Variants in ATE1 observed in about 807,000 individuals in gnomAD.
ATE1 encodes arginyltransferase 1.
ATE1 carries 36 observed loss-of-function variants against 70.5 expected under a neutral mutation model. The ratio of observed to expected loss-of-function variants is 0.51; its 90% confidence interval spans 0.39 to 0.67. The LOEUF is 0.67. Among genes scored for constraint, ATE1 ranks in the 30% least tolerant of loss-of-function variants. The pLI is 0.00. For synonymous variants in ATE1, 232 were observed against 219.3 expected (o/e 1.06, Z -0.51); for missense variants, 593 against 629.5 (o/e 0.94, Z 0.62).
At chr10:121,908,610 A>C (rs1286240278) in intron 5 of ATE1, among the ~76,000 whole-genome samples, 1 of 152,232 alleles carries the variant, frequency 6.6e-6, no homozygotes, top group Non-Finnish European at 1.5e-5. Flanking sequence ...AAACGAAGAA[A>C]TGATAGAGTA....
chr10:121,893,255 TGACAGAGTGAGAC>T (rs1223060535), intron 7 of ATE1, among the ~76,000 whole-genome samples: 4 of 141,058 alleles, frequency 2.8e-5, no homozygotes, highest in African/African-American at 1.1e-4. Context: ...CTAGCCTGGG[TGACAGAGTGAGAC>T]TTAGTCTCAA....
chr10:121,802,060 CTG>C (rs1376592081), intron 10 of ATE1, among the ~76,000 whole-genome samples: 1 of 152,076 alleles, frequency 6.6e-6, no homozygotes, highest in Non-Finnish European at 1.5e-5. Flanking sequence ...CCAATAGAAT[CTG>C]TGTTTGTAAA....
At chr10:121,890,079 T>A (rs1217586998) in intron 7 of ATE1, among the ~76,000 whole-genome samples, 1 of 152,190 alleles carries the variant, frequency 6.6e-6, no homozygotes, top group African/African-American at 2.4e-5. Flanking sequence ...GTCTGGGTGT[T>A]CATTACATTC....
At chr10:121,814,807 C>T (rs760353092) in intron 10 of ATE1, among the ~76,000 whole-genome samples, 4 of 152,062 alleles carry the variant, frequency 2.6e-5, no homozygotes, top group Non-Finnish European at 4.4e-5. Context: ...TATATATGCA[C>T]GTAAACTTGG....
intron 4 of ATE1, among the ~76,000 whole-genome samples, chr10:121,911,442 TA>T (rs371014661): frequency 0.15 from 18,796 of 128,248 alleles, 1,255 homozygotes; most frequent in East Asian, 0.2. Context: ...TACAGTAAAT[TA>T]AAAAAAAAAA....
intron 11 of ATE1, among the ~76,000 whole-genome samples, chr10:121,746,645 A>G (rs1376473488): frequency 6.6e-6 from 1 of 152,140 alleles, no homozygotes; most frequent in Non-Finnish European, 1.5e-5. Context: ...TCAACTTTTC[A>G]CAGTACATTC....
chr10:121,740,804 G>A lies in ATE1; in HGVS notation c.*2876C>T, dbSNP rs1024350093. On this transcript the variant is annotated 3_prime_UTR_variant, in exon 12 of 12. Transcript: ENST00000224652. Reference sequence around the variant, plus strand: ...CACAACAAATATTTGCAAAATGAATGAAAAATAGGATAAAGCTATTTAAAA... The same window carrying A: ...CACAACAAATATTTGCAAAATGAATAAAAAATAGGATAAAGCTATTTAAAA... 2.0e-5 allele frequency: 3 copies of A among 152,004 alleles called. No homozygotes were observed. The highest frequency in any genetic ancestry group is 7.2e-5 in the African/African-American group (3 of 41,384). 9.4% of individuals were successfully genotyped at this position (152,004 alleles called of 1,614,324 possible).
rs1366958302 is a variant in ATE1, at chr10:121,816,165, T to C, written c.1257+20553A>G. On this transcript the variant is annotated intron_variant, in intron 10 of 11. Coordinates refer to ENST00000224652, the MANE Select transcript of ATE1 (RefSeq NM_001001976.3). ...GTGTTTAGACTGTAAGTTTATATTA[T>C]ACAATTATACAAAATTTATTATCAT... Among the ~76,000 whole-genome samples the C allele has an allele frequency of 3.3e-5, 5 of 152,334 alleles. No individual in the cohort carries two copies. In the South Asian group the frequency reaches 6.2e-4, roughly 19 times the overall value.
chr10:121,892,647 A>G (rs73364463), intron 7 of ATE1, among the ~76,000 whole-genome samples: 16,799 of 151,792 alleles, frequency 0.11, 2,943 homozygotes, highest in African/African-American at 0.37. Context: ...GCTGGATTAC[A>G]GGTGCCCTCC....
chr10:121,833,174 T>C (rs1245924446), intron 10 of ATE1, among the ~76,000 whole-genome samples: 2 of 152,184 alleles, frequency 1.3e-5, no homozygotes, highest in East Asian at 1.9e-4. Context: ...TATCAGAGTA[T>C]TTATCAATAC....
Position 121,917,424 on chromosome 10 carries a change from A to G in ATE1, c.234-3531T>C, listed in dbSNP as rs74956320. Among the ~76,000 whole-genome samples, 23 of 152,348 alleles carry G rather than the reference A, an allele frequency of 1.5e-4. No individual in the cohort carries two copies. The East Asian group carries it at 4.4e-3, about 29-fold the overall frequency. On this transcript the variant is annotated intron_variant, in intron 3 of 11. Coordinates refer to ENST00000224652, the MANE Select transcript of ATE1 (RefSeq NM_001001976.3). ...AAGGAAAGCAAAAACTTGTGCAGGA[A>G]AAGTAATCACAGTACCCGCCATGGT...
In ATE1 at chr10:121,850,813, C is replaced by T. The variant is rs549290555; in HGVS notation, c.976-9550G>A. On this transcript the variant is annotated intron_variant, in intron 8 of 11. Coordinates refer to ENST00000224652, the MANE Select transcript of ATE1 (RefSeq NM_001001976.3). The stretch of plus-strand genomic sequence containing the variant: ...TTAACCTCTTTCAAGAGTTTCAGGC[C>T]GGGTGCAGTGGCTCACGCCTGTAAT... 3.3e-5 allele frequency among the ~76,000 whole-genome samples: 5 copies of T among 152,162 alleles called. No homozygotes were observed. The South Asian group carries it at 8.3e-4, about 25-fold the overall frequency.
At chr10:121,775,425 A>G (rs570813373) in intron 11 of ATE1, among the ~76,000 whole-genome samples, 82 of 152,234 alleles carry the variant, frequency 5.4e-4, no homozygotes, top group African/African-American at 1.9e-3. Flanking sequence ...TGGCACATGT[A>G]TAACTATGTA....
chr10:121,885,335 C>G (rs4481962), intron 7 of ATE1, among the ~76,000 whole-genome samples: 1 of 146,474 alleles, frequency 6.8e-6, no homozygotes, highest in African/African-American at 2.5e-5. Context: ...TTTGGGAGGC[C>G]GAGGCAGACA....
At chr10:121,888,338 G>A (rs528025704) in intron 7 of ATE1, among the ~76,000 whole-genome samples, 4 of 152,146 alleles carry the variant, frequency 2.6e-5, no homozygotes, top group Admixed American at 2.0e-4. Flanking sequence ...AGCTTGCAGT[G>A]AGCCGAAATC....
chr10:121,851,895 A>G (rs917724756), intron 8 of ATE1, among the ~76,000 whole-genome samples: 2 of 152,270 alleles, frequency 1.3e-5, no homozygotes, highest in Non-Finnish European at 2.9e-5. Flanking sequence ...TCTGTGATTA[A>G]TGACCTATGT....
At chr10:121,772,798 T>C (rs772401397) in intron 11 of ATE1, among the ~76,000 whole-genome samples, 4 of 152,228 alleles carry the variant, frequency 2.6e-5, no homozygotes, top group Admixed American at 6.5e-5. Flanking sequence ...GAACTACAAA[T>C]TGCTTTGCCG....
At chr10:121,839,371 C>A (rs1948546643) in intron 9 of ATE1, among the ~76,000 whole-genome samples, 1 of 152,150 alleles carries the variant, frequency 6.6e-6, no homozygotes, top group African/African-American at 2.4e-5. Flanking sequence ...AAATTTCACC[C>A]TTAAAAATCC....
chr10:121,850,278 A>G lies in ATE1; in HGVS notation c.976-9015T>C, dbSNP rs150227388. Among the ~76,000 whole-genome samples the G allele has an allele frequency of 3.0e-4, 45 of 152,274 alleles. No homozygotes were observed. In the East Asian group the frequency reaches 8.7e-3, roughly 29 times the overall value. On this transcript the variant is annotated intron_variant, in intron 8 of 11. Coordinates refer to ENST00000224652, the MANE Select transcript of ATE1 (RefSeq NM_001001976.3). ...AAAGAATCAACACTAAACAATACAT[A>G]CATACAAATTATTTAGCCCACTGGA... is the stretch of plus-strand genomic sequence containing the variant.
Sources: allele counts gnomAD v4.1 joint callset (sites outside exome capture counted in the v4.1 genomes callset), GRCh38; gene constraint gnomAD v4.1.1; transcripts MANE v1.5; gene names NCBI Gene and HGNC (gene_info 2026-07-23, HGNC 2026-07-21).